IQCE: variants seen among roughly 807,000 people sequenced by gnomAD.
The protein encoded by IQCE is IQ motif containing E.
A neutral mutation model predicts 96.0 loss-of-function variants in IQCE; 115 were observed. The ratio of observed to expected loss-of-function variants is 1.20; its 90% confidence interval spans 1.03 to 1.40. The LOEUF (loss-of-function observed/expected upper bound fraction) is 1.40, where lower values mean the gene tolerates loss of function less well. Among genes scored for constraint, IQCE ranks in the 40% most tolerant of loss-of-function variants. The pLI is 0.00. For missense variants in IQCE, 1,041 were observed against 909.1 expected (o/e 1.15, Z -1.87); for synonymous variants, 412 against 371.2 (o/e 1.11, Z -1.26).
intron 10 of IQCE, 73 bp from the exon 11 acceptor site, chr7:2,584,163 T>C (rs905893042): frequency 9.2e-6 from 12 of 1,303,342 alleles, no homozygotes; most frequent in Admixed American, 1.7e-5. Flanking sequence ...AGGACTGTGA[T>C]GTTGGTCTTT....
intron 16 of IQCE, chr7:2,596,800 T>C (rs376408505): frequency 1.9e-5 from 7 of 369,306 alleles, no homozygotes; most frequent in African/African-American, 1.3e-4. Flanking sequence ...CCTGAAAATG[T>C]GTCAGGACTG....
rs55851220 is a variant in IQCE at position 2,577,509 on chromosome 7, T to C, written c.466-733T>C. The stretch of plus-strand genomic sequence containing the variant: ...GCATTGGCGTGTGCGTGGCTGTGTG[T>C]GCGGGGACGTGTGTGCGGCGTGCCC... On this transcript the variant is annotated intron_variant, in intron 6 of 21. Coordinates refer to ENST00000402050, the MANE Select transcript of IQCE (RefSeq NM_152558.5). 3.0e-3 allele frequency among the ~76,000 whole-genome samples: 314 copies of C among 104,824 alleles called. 3 individuals carry two copies. Among genetic ancestry groups the C allele is most frequent in the Middle Eastern group, 0.012 (2 of 164 alleles). 68.8% of individuals were successfully genotyped at this position (104,824 alleles called of 152,430 possible).
Position 2,587,840 on chromosome 7 carries a change from A to C in IQCE, c.1007A>C (p.Lys336Thr), listed in dbSNP as rs1297867010. The C allele has an allele frequency of 6.2e-7, 1 of 1,613,954 alleles. No homozygotes were observed. Among genetic ancestry groups the C allele is most frequent in the African/African-American group, 1.3e-5 (1 of 74,928 alleles). The change falls in exon 13 of 22, where the codon AAG (lysine) becomes ACG (threonine). Residue 336 changes from lysine to threonine, a missense_variant. Lys to Thr is a moderately conservative substitution (Grantham distance 78). Coordinates refer to ENST00000402050, the MANE Select transcript of IQCE (RefSeq NM_152558.5). ...SKTQGYVEWS[K>T]PRLLRRIVEL... ...CCATCAGGTTATGTGGAGTGGAGCA[A>C]GCCCCGGCTGCTGAGGCGCATTGTG...
intron 18 of IQCE, among the ~76,000 whole-genome samples, chr7:2,602,484 G>A (rs1784499725): frequency 1.3e-5 from 2 of 152,166 alleles, no homozygotes; most frequent in South Asian, 2.1e-4. Flanking sequence ...CCCCGCCTCA[G>A]TCACTCAGAG....
At chr7:2,577,220 T>G (rs995703360) in intron 6 of IQCE, among the ~76,000 whole-genome samples, 3 of 151,622 alleles carry the variant, frequency 2.0e-5, no homozygotes, top group South Asian at 2.1e-4. Context: ...TGGCTGTGTG[T>G]GGTGTGTGTG....
intron 14 of IQCE, among the ~76,000 whole-genome samples, chr7:2,591,318 C>T (rs1199449912): frequency 6.6e-6 from 1 of 152,054 alleles, no homozygotes; most frequent in Non-Finnish European, 1.5e-5. Flanking sequence ...GCTGGGAAGG[C>T]AGGGCCTCAC....
At chr7:2,588,954 C>G (rs999021699) in intron 13 of IQCE, among the ~76,000 whole-genome samples, 1 of 151,888 alleles carries the variant, frequency 6.6e-6, no homozygotes, top group Non-Finnish European at 1.5e-5. Context: ...CGTGAGCCAC[C>G]GCGCCTGGCC....
rs773701437 is a variant in IQCE, at chr7:2,586,272, TTGTCCCGGAG to T, written c.895_904del (p.Val301SerfsTer8). ...GAAGATGGGCAGTGCCCTCCTGAGCTTGTCCCGGAGTGTCCAGGAGCTCACGGAAGAGAAC... is the reference window on the plus strand; with the variant it reads ...GAAGATGGGCAGTGCCCTCCTGAGCTTGTCCAGGAGCTCACGGAAGAGAAC... On this transcript the variant is annotated frameshift_variant, in exon 12 of 22. Transcript: ENST00000402050. LOFTEE classifies it high-confidence loss of function. The T allele has an allele frequency of 1.4e-3, 2,336 of 1,613,952 alleles. 6 individuals carry two copies. The highest frequency in any genetic ancestry group is 1.8e-3 in the Non-Finnish European group (2,129 of 1,179,920).
intron 16 of IQCE, chr7:2,598,101 A>G: frequency 1.0e-5 from 2 of 195,628 alleles, no homozygotes; most frequent in East Asian, 1.2e-4. Context: ...AAAACAGAAA[A>G]GGACCCCAGA....
chr7:2,589,216 C>T (rs1421954688), intron 13 of IQCE, among the ~76,000 whole-genome samples: 6 of 151,838 alleles, frequency 4.0e-5, no homozygotes, highest in African/African-American at 1.5e-4. Flanking sequence ...AAAATAAAAA[C>T]AATTAGCCTG....
Position 2,594,897 on chromosome 7 carries a change from A to G in IQCE, c.1361A>G (p.Gln454Arg), listed in dbSNP as rs2128463159. ...CCTTTCCGCCTTAGAGAGGAGATTC[A>G]GACACTTACCAGCAAGCTCCAAGAA... Reference protein sequence around the residue: ...EREEVLREEIQTLTSKLQELQ... With the variant: ...EREEVLREEIRTLTSKLQELQ... Residue 454 changes from glutamine (Q) to arginine (R), a missense_variant, in exon 16 of 22, where the codon CAG becomes CGG. By Grantham distance (43) the Gln-to-Arg change is conservative (BLOSUM62 1). Transcript: ENST00000402050. 2 of 1,612,812 alleles carry G rather than the reference A, an allele frequency of 1.2e-6. No homozygotes were observed. The highest frequency in any genetic ancestry group is 1.7e-6 in the Non-Finnish European group (2 of 1,178,752).
chr7:2,576,861 C>T lies in IQCE; in HGVS notation c.466-1381C>T, dbSNP rs59863748. 9.3e-3 allele frequency among the ~76,000 whole-genome samples: 1,418 copies of T among 152,272 alleles called. 23 individuals carry two copies. Among genetic ancestry groups the T allele is most frequent in the African/African-American group, 0.032 (1,333 of 41,538 alleles). ...TGGATGAGTTTTATTGATAAAAATG[C>T]GAACAAAACGGACTTTCTTGTGTGG... On this transcript the variant is annotated intron_variant, in intron 6 of 21. Coordinates refer to ENST00000402050, the MANE Select transcript of IQCE (RefSeq NM_152558.5).
chr7:2,569,346 C>T (rs1247485086), intron 3 of IQCE, among the ~76,000 whole-genome samples: 2 of 152,164 alleles, frequency 1.3e-5, no homozygotes, highest in Non-Finnish European at 2.9e-5. Context: ...TGAATGCTGC[C>T]AGAGTTAAAG....
chr7:2,570,318 T>G (rs1781671769), intron 3 of IQCE, among the ~76,000 whole-genome samples: 1 of 152,078 alleles, frequency 6.6e-6, no homozygotes, highest in African/African-American at 2.4e-5. Flanking sequence ...CATGCTTTCC[T>G]GAGGAACCCT....
At chr7:2,573,864 A>T (rs1485124199) in intron 6 of IQCE, among the ~76,000 whole-genome samples, 1 of 152,158 alleles carries the variant, frequency 6.6e-6, no homozygotes, top group Non-Finnish European at 1.5e-5. Context: ...TTATCAAGAC[A>T]TCTCACATGC....
At chr7:2,580,214 G>A (rs1046126619) in intron 8 of IQCE, 30 of 151,918 alleles carry the variant, frequency 2.0e-4, no homozygotes, top group African/African-American at 6.8e-4. Flanking sequence ...TTCGATTGGA[G>A]GATTGACCAG....
chr7:2,564,822 T>C (rs1400254852), intron 1 of IQCE, among the ~76,000 whole-genome samples: 1 of 152,200 alleles, frequency 6.6e-6, no homozygotes, highest in Non-Finnish European at 1.5e-5. Context: ...TAGTGTCTGC[T>C]GATCAAGTTT....
intron 11 of IQCE, among the ~76,000 whole-genome samples, chr7:2,585,935 A>G (rs763787088): frequency 1.3e-5 from 2 of 152,210 alleles, no homozygotes; most frequent in Non-Finnish European, 2.9e-5. Flanking sequence ...CCTTCTAGTG[A>G]TGGCATGGAA....
At chr7:2,571,785 T>C in intron 4 of IQCE, 131 bp downstream of exon 4, 1 of 1,025,320 alleles carries the variant, frequency 9.8e-7, no homozygotes, top group Non-Finnish European at 1.4e-6. Flanking sequence ...CTCGAAGACA[T>C]CAAATATACA....
Sources: gnomAD v4.1 joint callset for allele counts (sites outside exome capture counted in the v4.1 genomes callset) on GRCh38, gnomAD v4.1.1 for gene constraint, MANE v1.5 for transcripts, NCBI Gene and HGNC (gene_info 2026-07-23, HGNC 2026-07-21) for gene names.